CPQ: variants seen among roughly 807,000 people sequenced by gnomAD.
The protein encoded by CPQ is Ser-Met dipeptidase.
CPQ carries 37 observed loss-of-function variants against 45.7 expected under a neutral mutation model. The observed-to-expected ratio is 0.81, with a 90% confidence interval of 0.62 to 1.07. The LOEUF (loss-of-function observed/expected upper bound fraction) is 1.07, where lower values mean the gene tolerates loss of function less well. Among genes scored for constraint, CPQ ranks in the 50% least tolerant of loss-of-function variants. The pLI, the probability that CPQ is intolerant of heterozygous loss-of-function variation, is 0.00. For synonymous variants in CPQ, 186 were observed against 205.8 expected, an observed-to-expected ratio of 0.90 and a Z score of 0.82; for missense variants, 537 against 572.9, an observed-to-expected ratio of 0.94 and a Z score of 0.64.
At chr8:96,794,776 T>G (rs1810903820) in intron 2 of CPQ, among the ~76,000 whole-genome samples, 1 of 152,028 alleles carries the variant, frequency 6.6e-6, no homozygotes, top group Non-Finnish European at 1.5e-5. Context: ...CTAAATCATC[T>G]CTCTCAAGTT....
intron 1 of CPQ, among the ~76,000 whole-genome samples, chr8:96,680,931 C>T (rs1346905760): frequency 3.3e-5 from 5 of 151,416 alleles, no homozygotes; most frequent in Admixed American, 6.6e-5. Context: ...TGCCCCTGCC[C>T]GAGAGATCTG....
At chr8:97,114,750 C>G (rs374322104) in intron 7 of CPQ, among the ~76,000 whole-genome samples, 1 of 152,184 alleles carries the variant, frequency 6.6e-6, no homozygotes, top group Non-Finnish European at 1.5e-5. Context: ...AAATGAGGCA[C>G]TCCTTCATCC....
intron 1 of CPQ, among the ~76,000 whole-genome samples, chr8:96,679,222 A>C (rs565893442): frequency 9.9e-5 from 15 of 152,040 alleles, no homozygotes; most frequent in African/African-American, 3.6e-4. Flanking sequence ...GATGTATCAT[A>C]TTTATTGTTG....
At chr8:96,777,668 C>T (rs564404139) in intron 1 of CPQ, among the ~76,000 whole-genome samples, 2 of 141,364 alleles carry the variant, frequency 1.4e-5, no homozygotes, top group Admixed American at 7.3e-5. Flanking sequence ...TGAACTGACT[C>T]CAGGTCTAGA....
intron 7 of CPQ, among the ~76,000 whole-genome samples, chr8:97,141,156 C>T (rs1812153361): frequency 6.6e-6 from 1 of 151,990 alleles, no homozygotes; most frequent in Non-Finnish European, 1.5e-5. Flanking sequence ...AAGACATAAA[C>T]AGTATGGATC....
At chr8:96,875,510 T>C (rs1812134112) in intron 3 of CPQ, among the ~76,000 whole-genome samples, 1 of 151,972 alleles carries the variant, frequency 6.6e-6, no homozygotes, top group Non-Finnish European at 1.5e-5. Context: ...TTCTTTTGCA[T>C]GTGGATATCT....
In CPQ at chr8:97,054,114, C is replaced by T. The variant is rs112920640; in HGVS notation, c.1054-11895C>T. Among the ~76,000 whole-genome samples, 677 of 151,904 alleles carry T rather than the reference C, an allele frequency of 4.5e-3. 6 individuals carry two copies. The highest frequency in any genetic ancestry group is 0.016 in the African/African-American group (651 of 41,428). ...GCAGTTTGGTAAAAAGTATAGAGTT[C>T]AATGAATTGACATTTCTCAAAAGAA... On this transcript the variant is annotated intron_variant, in intron 6 of 7. Transcript: ENST00000220763.
At chr8:96,732,543 T>C (rs566070633) in intron 1 of CPQ, 1 of 147,988 alleles carries the variant, frequency 6.8e-6, no homozygotes, top group East Asian at 2.1e-4. Context: ...TTTAATATAG[T>C]AGATGTATTT....
Position 96,822,037 on chromosome 8 carries a change from T to C in CPQ, c.434-12936T>C, listed in dbSNP as rs367955698. Among the ~76,000 whole-genome samples the C allele has an allele frequency of 7.2e-5, 11 of 152,166 alleles. No homozygotes were observed. In the East Asian group the frequency reaches 1.7e-3, roughly 24 times the overall value. ...TTTTCTAACTGAAAATTTGTGTCCT[T>C]TGACCAACTTCTTCCCAATCTCTAC... On this transcript the variant is annotated intron_variant, in intron 2 of 7. Coordinates refer to ENST00000220763, the MANE Select transcript of CPQ (RefSeq NM_016134.4).
intron 7 of CPQ, among the ~76,000 whole-genome samples, chr8:97,069,482 A>G (rs910428594): frequency 6.6e-6 from 1 of 151,774 alleles, no homozygotes; most frequent in Non-Finnish European, 1.5e-5. Flanking sequence ...AAAAAAAAAA[A>G]AAAAGAAAAG....
intron 7 of CPQ, 70 bp from the exon 8 acceptor site, chr8:97,142,950 G>A: frequency 6.8e-7 from 1 of 1,474,124 alleles, no homozygotes; most frequent in Non-Finnish European, 9.4e-7. Flanking sequence ...AAAAGTGAAG[G>A]GGGAGAGGTG....
intron 7 of CPQ, among the ~76,000 whole-genome samples, chr8:97,098,526 C>A (rs1811247605): frequency 6.6e-6 from 1 of 152,026 alleles, no homozygotes; most frequent in Non-Finnish European, 1.5e-5. Context: ...TTTGAACACC[C>A]TAGAATTAAT....
At chr8:97,107,224 A>G (rs1052177498) in intron 7 of CPQ, among the ~76,000 whole-genome samples, 5 of 152,264 alleles carry the variant, frequency 3.3e-5, no homozygotes, top group Admixed American at 3.3e-4. Flanking sequence ...CTATTAAACA[A>G]ATATGTGCTT....
At chr8:96,926,033 A>G (rs1812869867) in intron 4 of CPQ, among the ~76,000 whole-genome samples, 1 of 152,226 alleles carries the variant, frequency 6.6e-6, no homozygotes, top group African/African-American at 2.4e-5. Flanking sequence ...TGTGCAGCCA[A>G]GGTTGAGAAC....
chr8:96,690,795 G>C (rs1215199382), intron 1 of CPQ, among the ~76,000 whole-genome samples: 1 of 152,172 alleles, frequency 6.6e-6, no homozygotes, highest in Non-Finnish European at 1.5e-5. Context: ...ATTAGAAAAG[G>C]CTGGCCTAGA....
At position 96,770,396 on chromosome 8, in the gene CPQ, A is replaced by G. The variant is rs192957952; in HGVS notation, c.-34-14468A>G. Among the ~76,000 whole-genome samples, 32 of 152,276 alleles carry G rather than the reference A, an allele frequency of 2.1e-4. No individual in the cohort carries two copies. In the East Asian group the frequency reaches 5.8e-3, roughly 28 times the overall value. ...GAGGGATGTCATGAGCTGCCTCTGC[A>G]CAACTGTTGAATTCAATTTTCTTTC... On this transcript the variant is annotated intron_variant, in intron 1 of 7. Transcript: ENST00000220763.
At chr8:96,823,863 C>G (rs2130839517) in intron 2 of CPQ, among the ~76,000 whole-genome samples, 1 of 151,992 alleles carries the variant, frequency 6.6e-6, no homozygotes, top group Non-Finnish European at 1.5e-5. Context: ...TTAAATCTTT[C>G]CTGAAGTGAC....
At position 96,784,875 on chromosome 8, in the gene CPQ, A is replaced by G. The variant is rs1810740063; in HGVS notation, c.-23A>G. The G allele has an allele frequency of 6.3e-7, 1 of 1,582,914 alleles. No homozygotes were observed. The highest frequency in any genetic ancestry group is 1.2e-5 in the South Asian group (1 of 86,496). The stretch of plus-strand genomic sequence containing the variant: ...TCTTATTTATGTAGATTATCTTAAC[A>G]AGAAAACCAACTGGAAAAAAAAATG... On this transcript the variant is annotated 5_prime_UTR_variant, in exon 2 of 8. Transcript: ENST00000220763.
chr8:96,771,298 A>C (rs1433775303), intron 1 of CPQ, among the ~76,000 whole-genome samples: 1 of 151,886 alleles, frequency 6.6e-6, no homozygotes, highest in Non-Finnish European at 1.5e-5. Context: ...ACATCTCTAC[A>C]ACTCTAGTAG....
Sources: allele counts gnomAD v4.1 joint callset (sites outside exome capture counted in the v4.1 genomes callset), GRCh38; gene constraint gnomAD v4.1.1; transcripts MANE v1.5; gene names NCBI Gene and HGNC (gene_info 2026-07-23, HGNC 2026-07-21).